The following DNAH5 variants were observed in gnomAD, a reference collection of about 807,000 sequenced individuals.
DNAH5 encodes dynein axonemal heavy chain 5.
A neutral mutation model predicts 518.2 loss-of-function variants in DNAH5; 372 were observed. The observed-to-expected ratio is 0.72, with a 90% CI of 0.66 to 0.78. DNAH5 has a LOEUF of 0.78. Ranked by LOEUF, DNAH5 falls within the 30% of genes least tolerant of loss-of-function variation. DNAH5 has a pLI of 0.00. For synonymous variants in DNAH5, 2,039 were observed against 2,025.9 expected, an observed-to-expected ratio of 1.01 and a Z score of -0.17; for missense variants, 5,523 against 5,687.0, an observed-to-expected ratio of 0.97 and a Z score of 0.93.
intron 78 of DNAH5, among the ~76,000 whole-genome samples, chr5:13,696,452 C>A (rs1741411708): frequency 1.3e-5 from 2 of 152,130 alleles, no homozygotes; most frequent in South Asian, 4.1e-4. Flanking sequence ...TTTCAAGTTT[C>A]AGGGTATATC....
intron 65 of DNAH5, among the ~76,000 whole-genome samples, chr5:13,738,712 G>A (rs904509968): frequency 7.9e-5 from 12 of 152,160 alleles, no homozygotes; most frequent in Non-Finnish European, 7.3e-5. Context: ...GCCACAGGAA[G>A]AGGAAGCCCA....
In DNAH5 at chr5:13,700,746, A is replaced by T; in HGVS notation, c.13617T>A (p.Tyr4539Ter). 6.2e-7 allele frequency: 1 copy of T among 1,614,188 alleles called. No individual in the cohort carries two copies. The highest frequency in any genetic ancestry group is 1.1e-5 in the South Asian group (1 of 91,082). Residue 4539 changes from tyrosine (Y) to a stop codon, truncating the protein, a stop_gained, in exon 78 of 79, where the codon TAT becomes TAA. Transcript: ENST00000265104. LOFTEE classifies it high-confidence loss of function. ...PTEGVYVYGLYLEGAGWDKRN... is the reference protein window; with the variant it reads ...PTEGVYVYGL The stretch of plus-strand genomic sequence containing the variant: ...TCTTGTCCCAGCCAGCACCTTCAAG[A>T]TATAAGCCATAGACATAGACACCCT...
At chr5:13,922,388 C>T in intron 4 of DNAH5, 60 bp from the exon 5 acceptor site, 4 of 1,448,552 alleles carry the variant, frequency 2.8e-6, no homozygotes, top group Non-Finnish European at 2.9e-6. Flanking sequence ...AACACAACTA[C>T]TAAGTCATTT....
chr5:13,815,543 A>G (rs1761343784), intron 42 of DNAH5, among the ~76,000 whole-genome samples: 1 of 152,178 alleles, frequency 6.6e-6, no homozygotes, highest in Non-Finnish European at 1.5e-5. Flanking sequence ...GAACCCGACC[A>G]TGCTGGCTCC....
At position 13,762,769 on chromosome 5, in the gene DNAH5, C is replaced by T. The variant is rs1268564865; in HGVS notation, c.10234G>A (p.Ala3412Thr). The change falls in exon 60 of 79, where the codon GCT becomes ACT. Residue 3412 changes from alanine to threonine, a missense_variant. Ala to Thr is a moderately conservative substitution (Grantham distance 58). This residue lies in a region of DNAH5 where 5,121 missense variants were observed against 5,223.3 expected (regional missense o/e 0.98). Transcript: ENST00000265104. ...NVAGLCSWTK[A>T]MASFFSINKE... is the part of the protein sequence containing the mutation. ...TTTATAGAAAAGAAGGAAGCCATAGCTTTCGTCCAGGAACAAAGACCAGCT... is the reference window on the plus strand; with the variant it reads ...TTTATAGAAAAGAAGGAAGCCATAGTTTTCGTCCAGGAACAAAGACCAGCT... The T allele has an allele frequency of 6.2e-7, 1 of 1,614,052 alleles. No individual in the cohort carries two copies. The highest frequency in any genetic ancestry group is 8.5e-7 in the Non-Finnish European group (1 of 1,180,020).
upstream of DNAH5, among the ~76,000 whole-genome samples, chr5:13,948,374 T>A (rs1489247548): frequency 6.6e-6 from 1 of 152,182 alleles, no homozygotes; most frequent in African/African-American, 2.4e-5. Context: ...AAGCCTAGTT[T>A]AATGGACAGG....
Position 13,883,032 on chromosome 5 carries a change from G to A in DNAH5, c.3046C>T (p.Leu1016=), listed in dbSNP as rs1408035285. 2 of 1,614,068 alleles carry A rather than the reference G, an allele frequency of 1.2e-6. No individual in the cohort carries two copies. Among genetic ancestry groups the A allele is most frequent in the Non-Finnish European group, 1.7e-6 (2 of 1,180,038 alleles). The change falls in exon 20 of 79, where the codon CTG becomes TTG. Residue 1016 remains leucine, a synonymous_variant. Coordinates refer to ENST00000265104, the MANE Select transcript of DNAH5 (RefSeq NM_001369.3). ...SLPIFRASVT[L]AIPNIVMAPA... is the part of the protein sequence containing the mutation. ...GCCATGACGATGTTGGGAATGGCCA[G>A]AGTGACGCTTGCCCGGAAAATGGGC...
At chr5:13,828,440 C>G (rs956623074) in intron 38 of DNAH5, among the ~76,000 whole-genome samples, 7 of 152,250 alleles carry the variant, frequency 4.6e-5, no homozygotes, top group Admixed American at 1.3e-4. Context: ...TGGCATGATG[C>G]CCACCTCCTG....
chr5:13,935,846 G>A (rs576675313), intron 1 of DNAH5, among the ~76,000 whole-genome samples: 1 of 152,278 alleles, frequency 6.6e-6, no homozygotes, highest in Non-Finnish European at 1.5e-5. Flanking sequence ...GGAAAGTGAA[G>A]GCAGAGAGGG....
intron 60 of DNAH5, among the ~76,000 whole-genome samples, chr5:13,761,342 A>G (rs564110955): frequency 3.3e-5 from 5 of 152,148 alleles, no homozygotes; most frequent in African/African-American, 1.2e-4. Flanking sequence ...GCCTGTAATC[A>G]CAGCACTTTG....
chr5:13,797,200 C>A (rs548459412), intron 47 of DNAH5, among the ~76,000 whole-genome samples: 1 of 151,950 alleles, frequency 6.6e-6, no homozygotes, highest in East Asian at 1.9e-4. Context: ...AATAGACAAA[C>A]GGGATCTAAT....
intron 31 of DNAH5, among the ~76,000 whole-genome samples, chr5:13,849,448 T>C (rs1188323817): frequency 6.6e-6 from 1 of 152,204 alleles, no homozygotes; most frequent in African/African-American, 2.4e-5. Flanking sequence ...TTCCTTTTAA[T>C]AGGATACACA....
intron 76 of DNAH5, among the ~76,000 whole-genome samples, chr5:13,702,767 G>A (rs1371089565): frequency 2.6e-5 from 4 of 152,160 alleles, no homozygotes; most frequent in African/African-American, 4.8e-5. Flanking sequence ...ACATGGAGAA[G>A]ACAAGAAGCA....
intron 65 of DNAH5, among the ~76,000 whole-genome samples, chr5:13,741,562 C>A (rs1748544819): frequency 6.6e-6 from 1 of 152,134 alleles, no homozygotes. Context: ...CATTTAATGG[C>A]TGCTATAAAA....
At chr5:13,888,177 A>T (rs1772690925) in intron 17 of DNAH5, among the ~76,000 whole-genome samples, 1 of 152,110 alleles carries the variant, frequency 6.6e-6, no homozygotes, top group Admixed American at 6.6e-5. Flanking sequence ...TTCTCCTTTT[A>T]TTCGAGGTTA....
chr5:13,704,455 G>T (rs1742527605), intron 76 of DNAH5, among the ~76,000 whole-genome samples: 1 of 152,210 alleles, frequency 6.6e-6, no homozygotes, highest in South Asian at 2.1e-4. Context: ...CCTTCCAGCA[G>T]ATGGAAGCCA....
chr5:13,805,891 T>C (rs958523139), intron 47 of DNAH5, among the ~76,000 whole-genome samples: 4 of 152,000 alleles, frequency 2.6e-5, no homozygotes, highest in Admixed American at 6.5e-5. Context: ...TTGTGGCTGG[T>C]GTCTGAGTGA....
At position 13,902,066 on chromosome 5, in the gene DNAH5, T is replaced by G. The variant is rs776722304; in HGVS notation, c.1717A>C (p.Lys573Gln). Residue 573 changes from lysine to glutamine, a missense_variant, in exon 13 of 79, where the codon AAG becomes CAG. Transcript: ENST00000265104. ...TGAAAATTTTACCTTTCAAATTTCTTCAACATTCTTAGAGCTTGATTTGTG... is the reference window on the plus strand; with the variant it reads ...TGAAAATTTTACCTTTCAAATTTCTGCAACATTCTTAGAGCTTGATTTGTG... Reference protein sequence around the residue: ...QNTNQALRMLKKFERLNIPNL... With the variant: ...QNTNQALRMLQKFERLNIPNL... 8 of 1,603,102 alleles carry G rather than the reference T, an allele frequency of 5.0e-6. No homozygotes were observed. The South Asian group carries it at 8.9e-5, about 18-fold the overall frequency.
At position 13,922,156 on chromosome 5, in the gene DNAH5, T is replaced by C. The variant is rs1429897540; in HGVS notation, c.611A>G (p.Glu204Gly). ...NIRQEFLSSL[E>G]GFVNVLSGAQ... ...ACCCGACAGGACGTTCACAAAGCCT[T>C]CCAGGGAGCTCAAGAACTCCTGGCG... The change falls in exon 5 of 79, where the codon GAA becomes GGA. Residue 204 changes from glutamate to glycine, a missense_variant. Coordinates refer to ENST00000265104, the MANE Select transcript of DNAH5 (RefSeq NM_001369.3). 6.2e-7 allele frequency: 1 copy of C among 1,614,018 alleles called. No individual in the cohort carries two copies.
Sources: allele counts gnomAD v4.1 joint callset (sites outside exome capture counted in the v4.1 genomes callset), GRCh38; gene constraint gnomAD v4.1.1; regional missense constraint gnomAD v4.1.1; transcripts MANE v1.5; gene names NCBI Gene and HGNC (gene_info 2026-07-23, HGNC 2026-07-21).